The following ROBO2 variants were observed in gnomAD, a reference collection of about 807,000 sequenced individuals.
ROBO2 encodes roundabout homolog 2.
Under a neutral mutation model 160.8 loss-of-function variants are expected in ROBO2, and 53 were observed. The observed-to-expected ratio is 0.33, with a 90% CI of 0.26 to 0.41. The LOEUF (loss-of-function observed/expected upper bound fraction) is 0.41, where lower values mean the gene tolerates loss of function less well. ROBO2 is among the 10% of genes least tolerant of loss of function. ROBO2 has a pLI of 1.00. For synonymous variants in ROBO2, 664 were observed against 611.7 expected, an observed-to-expected ratio of 1.09 and a Z score of -1.26; for missense variants, 1,577 against 1,722.4, an observed-to-expected ratio of 0.92 and a Z score of 1.49.
At chr3:77,611,714 G>A (rs950233238) in intron 21 of ROBO2, among the ~76,000 whole-genome samples, 2 of 152,024 alleles carry the variant, frequency 1.3e-5, no homozygotes, top group Admixed American at 1.3e-4. Flanking sequence ...CAAATAAAAA[G>A]TATCAGAATA....
rs373961839 is a variant in ROBO2 at position 76,101,778 on chromosome 3, C to T, written c.109+164176C>T. Among the ~76,000 whole-genome samples the T allele has an allele frequency of 5.5e-5, 8 of 144,208 alleles. No individual in the cohort carries two copies. In the East Asian group the frequency reaches 6.3e-4, roughly 11 times the overall value. The allele number at this position is 144,208 out of a possible 152,430, so 94.6% of individuals were successfully genotyped here. A position where few individuals can be genotyped will look rare whatever the true frequency, so the allele number is the denominator to read the frequency against. ...GTGTCCAAGTGTTCCCATTGTACCC[C>T]GGGGTGTGATGTTCCCCTTCCTGTG... On this transcript the variant is annotated intron_variant, in intron 2 of 26. Coordinates refer to the ROBO2 transcript ENST00000487694.
intron 2 of ROBO2, among the ~76,000 whole-genome samples, chr3:76,126,700 T>A (rs2071003325): frequency 6.6e-6 from 1 of 152,150 alleles, no homozygotes; most frequent in African/African-American, 2.4e-5. Context: ...AATTAGAAAC[T>A]ACATTCTCCT....
chr3:77,485,737 G>A (rs1216398068), intron 4 of ROBO2, among the ~76,000 whole-genome samples: 2 of 152,012 alleles, frequency 1.3e-5, no homozygotes, highest in South Asian at 2.1e-4. Context: ...TTCTCTTGTA[G>A]CAGAGAGTGT....
intron 13 of ROBO2, among the ~76,000 whole-genome samples, chr3:77,571,166 G>A (rs900941233): frequency 1.3e-5 from 2 of 151,892 alleles, no homozygotes; most frequent in Non-Finnish European, 2.9e-5. Flanking sequence ...AGAGTGCTTC[G>A]ACAAACTAGA....
At chr3:75,956,843 C>G (rs541018486) in intron 2 of ROBO2, among the ~76,000 whole-genome samples, 1 of 151,878 alleles carries the variant, frequency 6.6e-6, no homozygotes, top group East Asian at 1.9e-4. Flanking sequence ...CATTGGCCCA[C>G]TTTATAGCAG....
At chr3:76,161,697 T>C (rs970559580) in intron 2 of ROBO2, among the ~76,000 whole-genome samples, 1 of 152,184 alleles carries the variant, frequency 6.6e-6, no homozygotes, top group Non-Finnish European at 1.5e-5. Context: ...TTATCTAAAT[T>C]GCAGCATACA....
chr3:76,919,257 C>A (rs2076520578), intron 2 of ROBO2, among the ~76,000 whole-genome samples: 1 of 152,170 alleles, frequency 6.6e-6, no homozygotes, highest in Non-Finnish European at 1.5e-5. Context: ...TGTTTGATAG[C>A]AAACAATTTT....
chr3:77,193,047 C>G (rs969535543), intron 2 of ROBO2, among the ~76,000 whole-genome samples: 10 of 151,556 alleles, frequency 6.6e-5, no homozygotes, highest in Non-Finnish European at 1.5e-4. Context: ...GAATGGCATG[C>G]CAGCATTAAA....
chr3:76,962,117 C>G (rs1015846701), intron 2 of ROBO2, among the ~76,000 whole-genome samples: 2 of 152,142 alleles, frequency 1.3e-5, no homozygotes, highest in African/African-American at 2.4e-5. Context: ...GGTGAATTAC[C>G]TGAGGTCAGG....
intron 2 of ROBO2, among the ~76,000 whole-genome samples, chr3:76,035,047 T>A (rs1027478831): frequency 2.6e-5 from 4 of 152,074 alleles, no homozygotes; most frequent in Non-Finnish European, 5.9e-5. Context: ...TATAATCGCC[T>A]CCTCTTACAT....
Position 77,268,209 on chromosome 3 carries a change from C to T in ROBO2, c.388+169869C>T, listed in dbSNP as rs528578833. 3.3e-5 allele frequency among the ~76,000 whole-genome samples: 5 copies of T among 152,260 alleles called. No individual in the cohort carries two copies. The East Asian group carries it at 9.6e-4, about 29-fold the overall frequency. ...ACATTTAATGTTTTTTAATTAGCTT[C>T]TTTTGTCTGAGTCTTCTTTTTTCCC... On this transcript the variant is annotated intron_variant, in intron 2 of 25. Transcript: ENST00000461745.
At chr3:76,603,351 A>ATACATAT (rs1433390522) in intron 2 of ROBO2, among the ~76,000 whole-genome samples, 4 of 26,408 alleles carry the variant, frequency 1.5e-4, no homozygotes, top group African/African-American at 9.4e-4. Flanking sequence ...AAAAAAAAAA[A>ATACATAT]ATATATATAT....
At chr3:77,033,415 G>C (rs2063444063) in intron 2 of ROBO2, among the ~76,000 whole-genome samples, 1 of 152,102 alleles carries the variant, frequency 6.6e-6, no homozygotes, top group Non-Finnish European at 1.5e-5. Flanking sequence ...GTTTAAACAT[G>C]ACTCAGAATG....
rs1431820228 is a variant in ROBO2, at chr3:76,985,996, G to A, written c.110-112018G>A. Among the ~76,000 whole-genome samples, 4 of 151,952 alleles carry A rather than the reference G, an allele frequency of 2.6e-5. No individual in the cohort carries two copies. The South Asian group carries it at 6.2e-4, about 24-fold the overall frequency. On this transcript the variant is annotated intron_variant, in intron 2 of 26. Coordinates refer to the ROBO2 transcript ENST00000487694. Reference sequence around the variant, plus strand: ...ATTTTTAAGCAACCTTTTTATTTTTGAAAATGTTATTTTCTTGCCCACTGA... The same window carrying A: ...ATTTTTAAGCAACCTTTTTATTTTTAAAAATGTTATTTTCTTGCCCACTGA...
At chr3:76,493,360 T>TATATATATA (rs1431991929) in intron 2 of ROBO2, among the ~76,000 whole-genome samples, 1 of 138,938 alleles carries the variant, frequency 7.2e-6, no homozygotes, top group African/African-American at 2.6e-5. Flanking sequence ...TATATATATA[T>TATATATATA]ATATAATTGT....
intron 13 of ROBO2, 101 bp downstream of exon 14, chr3:77,568,535 C>T: frequency 7.3e-7 from 1 of 1,374,744 alleles, no homozygotes; most frequent in South Asian, 1.2e-5. Flanking sequence ...AAATTCCCGC[C>T]ATTTAAAATC....
intron 4 of ROBO2, among the ~76,000 whole-genome samples, chr3:77,489,958 T>C (rs920495033): frequency 1.3e-5 from 2 of 152,174 alleles, no homozygotes; most frequent in African/African-American, 4.8e-5. Context: ...CTGTTCTGCA[T>C]TGTTATATTT....
At chr3:77,054,004 T>C (rs1476502657) in intron 1 of ROBO2, among the ~76,000 whole-genome samples, 2 of 152,206 alleles carry the variant, frequency 1.3e-5, no homozygotes, top group African/African-American at 4.8e-5. Context: ...TGAATGTGGC[T>C]TAAGTGCAGT....
upstream of ROBO2, among the ~76,000 whole-genome samples, chr3:77,036,817 T>C (rs2063662682): frequency 6.6e-6 from 1 of 152,078 alleles, no homozygotes; most frequent in African/African-American, 2.4e-5. Flanking sequence ...TGGGGCTTCA[T>C]TGTTCTAAGC....
Sources: gnomAD v4.1 joint callset for allele counts (sites outside exome capture counted in the v4.1 genomes callset) on GRCh38, gnomAD v4.1.1 for gene constraint, MANE v1.5 for transcripts, NCBI Gene and HGNC (gene_info 2026-07-23, HGNC 2026-07-21) for gene names.